Variants in SNX14 observed in about 807,000 individuals in gnomAD.
SNX14 encodes the protein sorting nexin 14, also known as sorting nexin-14.
SNX14 carries 93 observed loss-of-function variants against 133.8 expected under a neutral mutation model. That is an observed-to-expected ratio of 0.70 (90% CI 0.59 to 0.83). The LOEUF is 0.83. Among genes scored for constraint, SNX14 ranks in the 40% least tolerant of loss-of-function variants. The pLI, the probability that SNX14 is intolerant of heterozygous loss-of-function variation, is 0.00. For missense variants in SNX14, 945 were observed against 1,094.9 expected, an observed-to-expected ratio of 0.86 and a Z score of 1.93; for synonymous variants, 368 against 365.6, an observed-to-expected ratio of 1.01 and a Z score of -0.07.
In SNX14 at chr6:85,518,314, A is replaced by G. The variant is rs193147962; in HGVS notation, c.2108-266T>C. On this transcript the variant is annotated intron_variant, in intron 21 of 28. Transcript: ENST00000314673. ...GGGATGGAACAAGCCAAGGGTTGATAACAACGTTGAGTAAGAAGTTTATTA... is the reference window on the plus strand; with the variant it reads ...GGGATGGAACAAGCCAAGGGTTGATGACAACGTTGAGTAAGAAGTTTATTA... 1.8e-4 allele frequency among the ~76,000 whole-genome samples: 28 copies of G among 152,322 alleles called. No individual in the cohort carries two copies. In the East Asian group the frequency reaches 4.8e-3, roughly 26 times the overall value.
intron 1 of SNX14, among the ~76,000 whole-genome samples, chr6:85,592,018 T>C (rs148412967): frequency 6.6e-5 from 10 of 152,128 alleles, no homozygotes; most frequent in African/African-American, 2.2e-4. Context: ...GTCTCAAAAA[T>C]AAAAATAAAA....
intron 1 of SNX14, among the ~76,000 whole-genome samples, chr6:85,585,074 T>C (rs547972553): frequency 1.3e-5 from 2 of 152,316 alleles, no homozygotes; most frequent in Non-Finnish European, 2.9e-5. Flanking sequence ...GATGAGTTCA[T>C]GTCCTTTTCA....
chr6:85,537,964 A>G (rs1045635649), intron 16 of SNX14, among the ~76,000 whole-genome samples: 15 of 152,186 alleles, frequency 9.9e-5, no homozygotes, highest in Non-Finnish European at 2.9e-5. Context: ...CACGTTCACT[A>G]TGTAATACTG....
chr6:85,505,639 A>G lies in SNX14; in HGVS notation c.*328T>C, dbSNP rs1427617741. 3 of 242,636 alleles carry G rather than the reference A, an allele frequency of 1.2e-5. No individual in the cohort carries two copies. Among genetic ancestry groups the G allele is most frequent in the Non-Finnish European group, 2.3e-5 (3 of 128,344 alleles). The allele number at this position is 242,636 out of a possible 1,614,324, so 15.0% of individuals were successfully genotyped here. The stretch of plus-strand genomic sequence containing the variant: ...TTATTCCTGTTTCTCCATACTAGGC[A>G]TAATTATTTTCAAAGCTATACAATA... On this transcript the variant is annotated 3_prime_UTR_variant, in exon 29 of 29. Transcript: ENST00000314673.
At chr6:85,507,600 C>T (rs963670783) in intron 27 of SNX14, among the ~76,000 whole-genome samples, 1 of 152,170 alleles carries the variant, frequency 6.6e-6, no homozygotes, top group Middle Eastern at 3.4e-3. Flanking sequence ...GAGATCTCAA[C>T]AGAATATATA....
intron 1 of SNX14, chr6:85,581,373 A>G (rs1254469573): frequency 6.6e-6 from 1 of 152,296 alleles, no homozygotes; most frequent in Non-Finnish European, 1.5e-5. Flanking sequence ...AAGGCTTCCC[A>G]AGGACAGGAA....
chr6:85,519,666 C>T (rs1468328044), intron 21 of SNX14, among the ~76,000 whole-genome samples: 3 of 151,934 alleles, frequency 2.0e-5, no homozygotes, highest in Admixed American at 6.6e-5. Context: ...GTCAGGAGTT[C>T]GAGACCAGCC....
Position 85,574,282 on chromosome 6 carries a change from G to A in SNX14, c.237C>T (p.Phe79=). ...LGPDSLLPNI[F]FTIKYKPKQL... is the part of the protein sequence containing the mutation. The stretch of plus-strand genomic sequence containing the variant: ...CCTTGGGTTTGTATTTTATTGTGAA[G>A]AATATATTTGGTAAGAGAGAATCAG... Residue 79 remains phenylalanine, a synonymous_variant, in exon 2 of 29, where the codon TTC becomes TTT. Coordinates refer to ENST00000314673, the MANE Select transcript of SNX14 (RefSeq NM_153816.6). 1.3e-6 allele frequency: 2 copies of A among 1,591,618 alleles called. No homozygotes were observed. The highest frequency in any genetic ancestry group is 2.3e-5 in the East Asian group (1 of 44,432).
In SNX14 at chr6:85,569,103, T is replaced by C. The variant is rs145451100; in HGVS notation, c.418-1526A>G. ...TCAGCCTCCCAAGTAGCTGGGATTA[T>C]AGGCATGTGCCACCACAACCAGCTA... On this transcript the variant is annotated intron_variant, in intron 4 of 28. Coordinates refer to ENST00000314673, the MANE Select transcript of SNX14 (RefSeq NM_153816.6). Among the ~76,000 whole-genome samples the C allele has an allele frequency of 4.1e-3, 617 of 152,212 alleles. 3 individuals are homozygous for C. The highest frequency in any genetic ancestry group is 0.014 in the African/African-American group (580 of 41,526).
intron 21 of SNX14, among the ~76,000 whole-genome samples, chr6:85,523,783 T>C (rs139305712): frequency 1.8e-4 from 27 of 149,556 alleles, no homozygotes; most frequent in African/African-American, 6.6e-4. Flanking sequence ...AGATGTGTAG[T>C]GAGAGCATGG....
chr6:85,571,707 A>C (rs1449100069), intron 4 of SNX14, among the ~76,000 whole-genome samples: 1 of 152,200 alleles, frequency 6.6e-6, no homozygotes, highest in Non-Finnish European at 1.5e-5. Context: ...CATGCTTTCC[A>C]TTCCTGTATT....
intron 27 of SNX14, among the ~76,000 whole-genome samples, chr6:85,507,629 C>T (rs1771174432): frequency 6.6e-6 from 1 of 152,058 alleles, no homozygotes. Flanking sequence ...ACATAGTTTA[C>T]ATAAACCATA....
rs78681505 is a variant in SNX14, at chr6:85,507,372, T to C, written c.2746-83A>G. On this transcript the variant is annotated intron_variant, in intron 27 of 28. Coordinates refer to ENST00000314673, the MANE Select transcript of SNX14 (RefSeq NM_153816.6). ...AAAATGATACACACAAAATTAAAGATTGTGGTTACCTCTAAGTGGGAAGGC... is the reference window on the plus strand; with the variant it reads ...AAAATGATACACACAAAATTAAAGACTGTGGTTACCTCTAAGTGGGAAGGC... 5.1e-3 allele frequency: 6,088 copies of C among 1,188,996 alleles called. 270 individuals carry two copies. The African/African-American group carries it at 0.084, about 16-fold the overall frequency. 73.7% of individuals were successfully genotyped at this position (1,188,996 alleles called of 1,614,324 possible).
intron 1 of SNX14, among the ~76,000 whole-genome samples, chr6:85,577,611 T>C (rs2128213465): frequency 6.6e-6 from 1 of 152,104 alleles, no homozygotes; most frequent in Middle Eastern, 3.4e-3. Context: ...TAAATATCAC[T>C]GAAGCCATAG....
chr6:85,518,359 G>A (rs367574029), intron 21 of SNX14, among the ~76,000 whole-genome samples: 2 of 152,218 alleles, frequency 1.3e-5, no homozygotes, highest in South Asian at 4.1e-4. Context: ...GTCTACTTTT[G>A]TGAAAATTTC....
At chr6:85,553,556 G>A (rs1246480581) in intron 7 of SNX14, among the ~76,000 whole-genome samples, 2 of 152,070 alleles carry the variant, frequency 1.3e-5, no homozygotes, top group Admixed American at 1.3e-4. Context: ...AGGCCGAGGC[G>A]GACGGATCAT....
Position 85,526,414 on chromosome 6 carries a change from T to C in SNX14, c.1996-177A>G, listed in dbSNP as rs1429080089. ...AGGATAGTAGGTAAGACCTTGGCCT[T>C]TATAGTCAGATATGAATGGGTTCGA... On this transcript the variant is annotated intron_variant, in intron 20 of 28. Coordinates refer to ENST00000314673, the MANE Select transcript of SNX14 (RefSeq NM_153816.6). 2.6e-5 allele frequency among the ~76,000 whole-genome samples: 4 copies of C among 152,186 alleles called. No individual in the cohort carries two copies. In the South Asian group the frequency reaches 6.2e-4, roughly 24 times the overall value.
Position 85,533,561 on chromosome 6 carries a change from G to A in SNX14, c.1810+38C>T, listed in dbSNP as rs1248290878. ...ACCTGATAACAACAGACTCATTCAT[G>A]GGCATCTTTTAAGAAAGGTGCTCAG... On this transcript the variant is annotated intron_variant, in intron 18 of 28. Transcript: ENST00000314673. 4.4e-6 allele frequency: 7 copies of A among 1,584,132 alleles called. No individual in the cohort carries two copies. The East Asian group carries it at 1.3e-4, about 30-fold the overall frequency.
At chr6:85,530,619 T>C (rs1023700889) in intron 18 of SNX14, among the ~76,000 whole-genome samples, 3 of 142,428 alleles carry the variant, frequency 2.1e-5, no homozygotes, top group African/African-American at 8.0e-5. Context: ...CACTCCAGCC[T>C]GGGCAACAGA....
Sources: gnomAD v4.1 joint callset for allele counts (sites outside exome capture counted in the v4.1 genomes callset) on GRCh38, gnomAD v4.1.1 for gene constraint, MANE v1.5 for transcripts, NCBI Gene and HGNC (gene_info 2026-07-23, HGNC 2026-07-21) for gene names.